Variants in IKZF2 observed in about 807,000 individuals in gnomAD.
IKZF2 encodes zinc finger protein Helios.
Under a neutral mutation model 49.2 loss-of-function variants are expected in IKZF2, and 15 were observed. The observed-to-expected ratio is 0.30, with a 90% CI of 0.20 to 0.47. IKZF2 has a LOEUF of 0.47. IKZF2 is among the 20% of genes least tolerant of loss of function. The pLI, the probability that IKZF2 is intolerant of heterozygous loss-of-function variation, is 1.00. For missense variants in IKZF2, 567 were observed against 664.6 expected (o/e 0.85, Z 1.61); for synonymous variants, 227 against 221.4 (o/e 1.03, Z -0.23).
intron 4 of IKZF2, among the ~76,000 whole-genome samples, chr2:213,084,552 T>C (rs1704343109): frequency 6.6e-6 from 1 of 151,284 alleles, no homozygotes; most frequent in Admixed American, 6.6e-5. Flanking sequence ...AAAAGGTTTC[T>C]GAAAAAAATC....
chr2:213,031,928 C>T (rs1473938212), intron 6 of IKZF2, among the ~76,000 whole-genome samples: 1 of 151,958 alleles, frequency 6.6e-6, no homozygotes, highest in African/African-American at 2.4e-5. Context: ...ACCATTTAAC[C>T]CCTAGGGATG....
intron 4 of IKZF2, among the ~76,000 whole-genome samples, chr2:213,083,851 C>T (rs529170503): frequency 5.2e-4 from 78 of 151,428 alleles, no homozygotes; most frequent in African/African-American, 1.8e-3. Flanking sequence ...AAGCTTAGGA[C>T]TCCACAGATT....
chr2:213,135,822 C>T (rs1051369389), intron 4 of IKZF2, among the ~76,000 whole-genome samples: 9 of 151,500 alleles, frequency 5.9e-5, no homozygotes, highest in South Asian at 4.2e-4. Flanking sequence ...ATGCCGGGCA[C>T]GGTGGCTCAC....
chr2:213,072,980 A>G (rs1178178548), intron 4 of IKZF2, among the ~76,000 whole-genome samples: 1 of 152,148 alleles, frequency 6.6e-6, no homozygotes, highest in Non-Finnish European at 1.5e-5. Flanking sequence ...TCATTTAATA[A>G]TGCATAAATT....
Position 213,005,837 on chromosome 2 carries a change from A to T in IKZF2, c.*1523T>A, listed in dbSNP as rs1157707160. 6.6e-6 allele frequency: 1 copy of T among 152,026 alleles called. No individual in the cohort carries two copies. Among genetic ancestry groups the T allele is most frequent in the African/African-American group, 2.4e-5 (1 of 41,422 alleles). 9.4% of individuals were successfully genotyped at this position (152,026 alleles called of 1,614,324 possible). On this transcript the variant is annotated 3_prime_UTR_variant, in exon 9 of 9. Transcript: ENST00000434687. ...CCACATAAATGAAATTAAAATCTGCACATGAAATATGGCAACCTATACCAT... is the reference window on the plus strand; with the variant it reads ...CCACATAAATGAAATTAAAATCTGCTCATGAAATATGGCAACCTATACCAT...
chr2:213,105,054 T>A (rs1432020051), intron 4 of IKZF2, among the ~76,000 whole-genome samples: 2 of 152,024 alleles, frequency 1.3e-5, no homozygotes, highest in African/African-American at 4.8e-5. Flanking sequence ...TATCCCAGAA[T>A]TTTCTCAAAG....
At chr2:213,113,061 A>C (rs1490915758) in intron 4 of IKZF2, among the ~76,000 whole-genome samples, 2 of 152,214 alleles carry the variant, frequency 1.3e-5, no homozygotes, top group Non-Finnish European at 2.9e-5. Flanking sequence ...CATCTAAAAA[A>C]AATAATTATG....
chr2:213,121,897 G>C (rs922261167), intron 4 of IKZF2, among the ~76,000 whole-genome samples: 7 of 152,204 alleles, frequency 4.6e-5, no homozygotes, highest in African/African-American at 1.7e-4. Flanking sequence ...GGCTGAAACA[G>C]GAACATGTGT....
intron 4 of IKZF2, among the ~76,000 whole-genome samples, chr2:213,100,719 A>G (rs921662745): frequency 3.3e-5 from 5 of 152,008 alleles, no homozygotes; most frequent in Admixed American, 6.6e-5. Context: ...ATCTAACTAC[A>G]ATATACTTAG....
chr2:213,029,673 A>C (rs1698196983), intron 6 of IKZF2, among the ~76,000 whole-genome samples: 1 of 152,102 alleles, frequency 6.6e-6, no homozygotes, highest in South Asian at 2.1e-4. Flanking sequence ...TAAGATGAAA[A>C]AACAAAACAA....
chr2:213,055,782 A>G (rs960449259), intron 5 of IKZF2, among the ~76,000 whole-genome samples: 23 of 152,130 alleles, frequency 1.5e-4, no homozygotes, highest in Admixed American at 1.4e-3. Flanking sequence ...TTCGTATTAA[A>G]AAAGACTTTG....
At chr2:213,150,077 G>A in intron 2 of IKZF2, 67 bp downstream of exon 2, 1 of 916,694 alleles carries the variant, frequency 1.1e-6, no homozygotes, top group Admixed American at 2.4e-5. Flanking sequence ...CAATGAAATG[G>A]TTATTAACCC....
intron 6 of IKZF2, among the ~76,000 whole-genome samples, chr2:213,040,777 A>T (rs1370664023): frequency 6.6e-6 from 1 of 152,230 alleles, no homozygotes; most frequent in East Asian, 1.9e-4. Flanking sequence ...TCTGAGACAA[A>T]ACTAATAAAA....
At chr2:213,030,332 G>C (rs1204991192) in intron 6 of IKZF2, among the ~76,000 whole-genome samples, 1 of 151,606 alleles carries the variant, frequency 6.6e-6, no homozygotes, top group African/African-American at 2.4e-5. Flanking sequence ...ATGATTAAGT[G>C]GGAAAAGAAT....
intron 4 of IKZF2, among the ~76,000 whole-genome samples, chr2:213,089,717 G>C (rs1705078462): frequency 1.3e-5 from 2 of 152,112 alleles, no homozygotes; most frequent in African/African-American, 2.4e-5. Flanking sequence ...TTCTGTTACG[G>C]GGAGAAGGAG....
chr2:213,108,794 T>A (rs59285261), intron 4 of IKZF2, among the ~76,000 whole-genome samples: 1 of 151,536 alleles, frequency 6.6e-6, no homozygotes, highest in Non-Finnish European at 1.5e-5. Flanking sequence ...AAGTAATATA[T>A]GCTTATTGTA....
chr2:213,066,204 C>A (rs1702145310), intron 4 of IKZF2, among the ~76,000 whole-genome samples: 1 of 151,970 alleles, frequency 6.6e-6, no homozygotes. Context: ...CCCAAAGGGA[C>A]CCACAAGGAT....
At chr2:213,024,419 G>C (rs1697578687) in intron 6 of IKZF2, among the ~76,000 whole-genome samples, 1 of 152,112 alleles carries the variant, frequency 6.6e-6, no homozygotes, top group Admixed American at 6.6e-5. Context: ...GTATGCAACT[G>C]ACAGTCTGGT....
chr2:213,138,157 T>C lies in IKZF2; in HGVS notation c.139+9551A>G, dbSNP rs2060742966. ...ACAGTTTAAGTGATGGAGAACTGGC[T>C]TTAAAATTACAAGTATATGGAATTA... On this transcript the variant is annotated intron_variant, in intron 4 of 8. Transcript: ENST00000434687. Among the ~76,000 whole-genome samples, 4 of 152,094 alleles carry C rather than the reference T, an allele frequency of 2.6e-5. No individual in the cohort carries two copies. The South Asian group carries it at 8.3e-4, about 32-fold the overall frequency.
Sources: allele counts gnomAD v4.1 joint callset (sites outside exome capture counted in the v4.1 genomes callset), GRCh38; gene constraint gnomAD v4.1.1; transcripts MANE v1.5; gene names NCBI Gene and HGNC (gene_info 2026-07-23, HGNC 2026-07-21).